The following MPHOSPH9 variants were observed in gnomAD, a reference collection of about 807,000 sequenced individuals.
MPHOSPH9 encodes the protein M-phase phosphoprotein 9.
A neutral mutation model predicts 145.5 loss-of-function variants in MPHOSPH9; 88 were observed. The ratio of observed to expected loss-of-function variants is 0.60; its 90% CI spans 0.51 to 0.72. The LOEUF is 0.72. Among genes scored for constraint, MPHOSPH9 ranks in the 30% least tolerant of loss-of-function variants. The pLI is 0.00. For missense variants in MPHOSPH9, 1,238 were observed against 1,386.6 expected (o/e 0.89, Z 1.70); for synonymous variants, 435 against 486.2 (o/e 0.89, Z 1.39).
chr12:123,187,880 C>A (rs765669853), intron 13 of MPHOSPH9, among the ~76,000 whole-genome samples: 2 of 152,170 alleles, frequency 1.3e-5, no homozygotes, highest in Non-Finnish European at 2.9e-5. Context: ...AATCCCAACA[C>A]TTTGGTAGAC....
At chr12:123,190,554 T>A (rs2045634465) in intron 13 of MPHOSPH9, among the ~76,000 whole-genome samples, 1 of 152,146 alleles carries the variant, frequency 6.6e-6, no homozygotes, top group African/African-American at 2.4e-5. Context: ...ATGTTTAAAT[T>A]AAAATGAATC....
chr12:123,237,144 CAA>C (rs775656022), upstream of MPHOSPH9, among the ~76,000 whole-genome samples: 2 of 151,636 alleles, frequency 1.3e-5, no homozygotes, highest in Non-Finnish European at 2.9e-5. Flanking sequence ...TCTGTGGATT[CAA>C]AGTTTTCTGC....
chr12:123,223,850 T>C (rs2047319090), intron 3 of MPHOSPH9, among the ~76,000 whole-genome samples: 1 of 152,140 alleles, frequency 6.6e-6, no homozygotes, highest in African/African-American at 2.4e-5. Context: ...CCTGGACAAA[T>C]TAATTTGTAC....
At position 123,230,206 on chromosome 12, in the gene MPHOSPH9, G is replaced by C; in HGVS notation, c.104+55C>G. On this transcript the variant is annotated intron_variant, in intron 2 of 23. Transcript: ENST00000606320. ...ACACTATTTGGATAAGTTGATAAACGTATGCAAATAAGGTTATTCTGATTT... is the reference window on the plus strand; with the variant it reads ...ACACTATTTGGATAAGTTGATAAACCTATGCAAATAAGGTTATTCTGATTT... The C allele has an allele frequency of 3.4e-6, 3 of 881,552 alleles. No individual in the cohort carries two copies. The South Asian group carries it at 4.8e-5, about 14-fold the overall frequency. 54.6% of individuals were successfully genotyped at this position (881,552 alleles called of 1,614,324 possible). A position where few individuals can be genotyped will look rare whatever the true frequency, so the allele number is the denominator to read the frequency against.
chr12:123,221,422 A>C lies in MPHOSPH9; in HGVS notation c.822T>G (p.Asn274Lys). Residue 274 changes from asparagine (N) to lysine (K), a missense_variant, in exon 5 of 24, where the codon AAT (asparagine) becomes AAG (lysine). Around this residue, in one of 3 missense-constraint regions of MPHOSPH9, gnomAD observed 837 missense variants for 897.5 expected, o/e 0.93. Transcript: ENST00000606320. ...CAGAAACCTTATTTTCACCAAGAAA[A>C]TTATGTTCAAATTCACCAGGAGAAA... is the stretch of plus-strand genomic sequence containing the variant. ...VSISPGEFEH[N>K]FLGENKVSEV... The C allele has an allele frequency of 6.2e-7, 1 of 1,610,392 alleles. No individual in the cohort carries two copies. Among genetic ancestry groups the C allele is most frequent in the Non-Finnish European group, 8.5e-7 (1 of 1,178,924 alleles).
In MPHOSPH9 at chr12:123,156,598, G is replaced by C. The variant is rs1395829525; in HGVS notation, c.*209C>G. ...ATTTAAAAATAATGCTTTTTAAATAGTAAAATATACAAGAGATTCCTGAGC... is the reference window on the plus strand; with the variant it reads ...ATTTAAAAATAATGCTTTTTAAATACTAAAATATACAAGAGATTCCTGAGC... On this transcript the variant is annotated 3_prime_UTR_variant, in exon 24 of 24. Coordinates refer to ENST00000606320, the MANE Select transcript of MPHOSPH9 (RefSeq NM_022782.4). 3 of 381,628 alleles carry C rather than the reference G, an allele frequency of 7.9e-6. No homozygotes were observed. The highest frequency in any genetic ancestry group is 1.4e-5 in the Non-Finnish European group (3 of 214,062). The allele number at this position is 381,628 out of a possible 1,614,324, so 23.6% of individuals were successfully genotyped here. A position where few individuals can be genotyped will look rare whatever the true frequency, so the allele number is the denominator to read the frequency against.
intron 13 of MPHOSPH9, among the ~76,000 whole-genome samples, chr12:123,191,185 G>A (rs1458385906): frequency 1.3e-5 from 2 of 152,112 alleles, no homozygotes; most frequent in African/African-American, 2.4e-5. Flanking sequence ...GCCGGGCATG[G>A]TGGCACATGC....
At chr12:123,226,386 C>T (rs1462531461) in intron 3 of MPHOSPH9, 3 of 976,288 alleles carry the variant, frequency 3.1e-6, no homozygotes, top group African/African-American at 3.4e-5. Flanking sequence ...TCTAAAAGTA[C>T]AATTAACGTT....
intron 13 of MPHOSPH9, among the ~76,000 whole-genome samples, chr12:123,182,892 T>A (rs891270054): frequency 6.6e-6 from 1 of 151,126 alleles, no homozygotes; most frequent in Non-Finnish European, 1.5e-5. Flanking sequence ...CCAGCCTGGG[T>A]GACAGAGTGA....
At chr12:123,174,468 G>A (rs1323737830) in intron 16 of MPHOSPH9, among the ~76,000 whole-genome samples, 2 of 151,624 alleles carry the variant, frequency 1.3e-5, no homozygotes, top group Non-Finnish European at 2.9e-5. Flanking sequence ...CGCCTCCCGG[G>A]TTCACGCCAT....
At chr12:123,211,684 C>CTTT (rs147321517) in intron 7 of MPHOSPH9, among the ~76,000 whole-genome samples, 103 of 67,750 alleles carry the variant, frequency 1.5e-3, no homozygotes, top group East Asian at 2.7e-3. Flanking sequence ...TAGACAATTT[C>CTTT]TTTTTTTTTT....
chr12:123,218,350 C>T (rs768323101), intron 6 of MPHOSPH9, 26 bp downstream of exon 6: 27 of 1,613,072 alleles, frequency 1.7e-5, no homozygotes, highest in Middle Eastern at 1.6e-4. Flanking sequence ...TACTGGAGCC[C>T]GCAGGGAAAG....
In MPHOSPH9 at chr12:123,163,030, C is replaced by A; in HGVS notation, c.3013G>T (p.Glu1005Ter). 6.3e-7 allele frequency: 1 copy of A among 1,576,754 alleles called. No homozygotes were observed. Among genetic ancestry groups the A allele is most frequent in the Non-Finnish European group, 8.6e-7 (1 of 1,168,750 alleles). Residue 1005 changes from glutamate to a stop codon, truncating the protein, a stop_gained, in exon 20 of 24, where the codon GAG becomes TAG. Transcript: ENST00000606320. LOFTEE classifies it high-confidence loss of function. Reference sequence around the variant, plus strand: ...AGAACTTACCGAATTGGACTGCTCTCATTTTTGCTAAGCAGATGACTAAAT... The same window carrying A: ...AGAACTTACCGAATTGGACTGCTCTAATTTTTGCTAAGCAGATGACTAAAT... ...PGFSHLLSKNESSPIRFDILL... is the reference protein window; with the variant it reads ...PGFSHLLSKN
chr12:123,214,752 G>C lies in MPHOSPH9; in HGVS notation c.1079C>G (p.Ser360Ter). ...DETPNAWMSD[S>*]GTGLTYWKLE... The stretch of plus-strand genomic sequence containing the variant: ...AAATGTAAGTATCATACCTGTTCCT[G>C]AATCAGACATCCAAGCATTTGGAGT... The change falls in exon 7 of 24, where the codon TCA (serine) becomes TGA (stop). Residue 360 changes from serine (S) to a stop codon, truncating the protein, a stop_gained. Transcript: ENST00000606320. LOFTEE classifies it high-confidence loss of function. The C allele has an allele frequency of 6.2e-7, 1 of 1,609,876 alleles. No individual in the cohort carries two copies. The highest frequency in any genetic ancestry group is 1.1e-5 in the South Asian group (1 of 90,934).
chr12:123,164,026 C>A lies in MPHOSPH9; in HGVS notation c.2832G>T (p.Gln944His). ...AGGCCGAATTAAGTCTCTTTTGTCTCTGTTGGGCACACTTTTCTGGAGAAC... is the reference window on the plus strand; with the variant it reads ...AGGCCGAATTAAGTCTCTTTTGTCTATGTTGGGCACACTTTTCTGGAGAAC... ...ASRSPEKCAQ[Q>H]RQKRLNSASQ... is the part of the protein sequence containing the mutation. Residue 944 changes from glutamine to histidine, a missense_variant, in exon 19 of 24, where the codon CAG becomes CAT. By Grantham distance (24) the Gln-to-His change is conservative. Around this residue, in one of 3 missense-constraint regions of MPHOSPH9, gnomAD observed 393 missense variants for 462.5 expected, o/e 0.85. Coordinates refer to ENST00000606320, the MANE Select transcript of MPHOSPH9 (RefSeq NM_022782.4). The A allele has an allele frequency of 6.2e-7, 1 of 1,614,150 alleles. No individual in the cohort carries two copies. The highest frequency in any genetic ancestry group is 8.5e-7 in the Non-Finnish European group (1 of 1,180,024).
At chr12:123,180,637 C>T (rs1395813520) in intron 14 of MPHOSPH9, among the ~76,000 whole-genome samples, 4 of 152,204 alleles carry the variant, frequency 2.6e-5, no homozygotes, top group Admixed American at 2.0e-4. Flanking sequence ...CTCAGGGAGG[C>T]TGACACAGGT....
At chr12:123,205,214 T>C (rs991264483) in intron 8 of MPHOSPH9, among the ~76,000 whole-genome samples, 1 of 152,224 alleles carries the variant, frequency 6.6e-6, no homozygotes, top group Non-Finnish European at 1.5e-5. Context: ...TTTTAAAACC[T>C]TGTGAGTGTG....
intron 22 of MPHOSPH9, 51 bp downstream of exon 22, chr12:123,161,085 A>ATAAGCAT: frequency 6.3e-7 from 1 of 1,591,826 alleles, no homozygotes; most frequent in Non-Finnish European, 8.6e-7. Flanking sequence ...CTCCTTAGAC[A>ATAAGCAT]TAAGCATTAA....
intron 23 of MPHOSPH9, chr12:123,160,473 CACTA>C (rs1437455475): frequency 7.0e-6 from 2 of 284,094 alleles, no homozygotes; most frequent in African/African-American, 4.4e-5. Context: ...AATCTGTGAG[CACTA>C]ACTTAGTGTA....
Sources: allele counts gnomAD v4.1 joint callset (sites outside exome capture counted in the v4.1 genomes callset), GRCh38; gene constraint gnomAD v4.1.1; regional missense constraint gnomAD v4.1.1; transcripts MANE v1.5; gene names NCBI Gene and HGNC (gene_info 2026-07-23, HGNC 2026-07-21).